The following RBL1 variants were observed in gnomAD, a reference collection of about 807,000 sequenced individuals.
RBL1 encodes retinoblastoma-like protein 1.
RBL1 carries 82 observed loss-of-function variants against 123.0 expected under a neutral mutation model. That is an observed-to-expected ratio of 0.67 (90% CI 0.56 to 0.80). RBL1 has a LOEUF of 0.80. RBL1 is among the 30% of genes least tolerant of loss of function. The pLI is 0.00. For synonymous variants in RBL1, 405 were observed against 441.3 expected (o/e 0.92, Z 1.03); for missense variants, 1,171 against 1,299.6 (o/e 0.90, Z 1.52).
intron 19 of RBL1, 35 bp downstream of exon 19, chr20:37,018,244 G>T: frequency 6.3e-7 from 1 of 1,576,608 alleles, no homozygotes; most frequent in Non-Finnish European, 8.6e-7. Context: ...GATCCAATGT[G>T]TTTTACATAT....
rs374420710 is a variant in RBL1, at chr20:37,035,362, C to T, written c.2050G>A (p.Ala684Thr). 7.7e-5 allele frequency: 124 copies of T among 1,614,036 alleles called. No individual in the cohort carries two copies. In the East Asian group the frequency reaches 2.7e-3, roughly 35 times the overall value. ...TCAGCAGTAATGCTTGAAGAAGGAG[C>T]GATTTTCAATTTTGTTCCTTCTGTT... ...IITEGTKLKI[A>T]PSSSITAENV... The change falls in exon 15 of 22, where the codon GCT becomes ACT. Residue 684 changes from alanine (A) to threonine (T), a missense_variant. Physicochemically the swap from Ala to Thr is moderately conservative, Grantham distance 58. Coordinates refer to ENST00000373664, the MANE Select transcript of RBL1 (RefSeq NM_002895.5).
chr20:37,003,607 AG>A, intron 21 of RBL1, 94 bp downstream of exon 21: 1 of 1,436,404 alleles, frequency 7.0e-7, no homozygotes, highest in Non-Finnish European at 9.2e-7. Context: ...TTAGTATAGT[AG>A]TAACTTGGCC....
intron 19 of RBL1, among the ~76,000 whole-genome samples, chr20:37,014,054 T>G (rs2064208795): frequency 6.6e-6 from 1 of 151,972 alleles, no homozygotes; most frequent in Non-Finnish European, 1.5e-5. Flanking sequence ...TAGACTTGTC[T>G]GACTGTATAT....
intron 21 of RBL1, among the ~76,000 whole-genome samples, chr20:37,001,234 C>T (rs2146194459): frequency 6.6e-6 from 1 of 152,056 alleles, no homozygotes; most frequent in East Asian, 1.9e-4. Flanking sequence ...GCCCCTCTGC[C>T]CGGCCACCAC....
At chr20:37,080,568 C>T (rs1455310561) in intron 2 of RBL1, among the ~76,000 whole-genome samples, 2 of 151,626 alleles carry the variant, frequency 1.3e-5, no homozygotes, top group African/African-American at 2.4e-5. Flanking sequence ...AGGTGATTCT[C>T]GTTTCTAAGC....
At chr20:37,006,979 G>T (rs1233612061) in intron 20 of RBL1, among the ~76,000 whole-genome samples, 1 of 151,932 alleles carries the variant, frequency 6.6e-6, no homozygotes, top group Non-Finnish European at 1.5e-5. Context: ...AGGCGTGGTG[G>T]TTCACACCTG....
At chr20:37,063,994 G>A (rs1159745666) in intron 7 of RBL1, among the ~76,000 whole-genome samples, 1 of 148,906 alleles carries the variant, frequency 6.7e-6, no homozygotes, top group African/African-American at 2.5e-5. Flanking sequence ...GGCTGATTTT[G>A]TATTTTTTGT....
At chr20:37,069,866 C>T (rs1344946711) in intron 2 of RBL1, among the ~76,000 whole-genome samples, 6 of 147,798 alleles carry the variant, frequency 4.1e-5, no homozygotes, top group African/African-American at 1.6e-4. Flanking sequence ...GCCCCCCGCC[C>T]GGCCAGCCGC....
chr20:37,001,425 C>A (rs1246925231), intron 21 of RBL1, among the ~76,000 whole-genome samples: 13 of 150,716 alleles, frequency 8.6e-5, no homozygotes, highest in South Asian at 6.3e-4. Context: ...AAGAAAAATT[C>A]TTCTGCCTTG....
At chr20:37,064,640 C>T (rs186439692) in intron 7 of RBL1, among the ~76,000 whole-genome samples, 66 of 151,662 alleles carry the variant, frequency 4.4e-4, no homozygotes, top group Admixed American at 4.0e-3. Context: ...GATGGAATCT[C>T]GCTCTGTCGC....
At chr20:37,058,452 T>C (rs1318351221) in intron 9 of RBL1, among the ~76,000 whole-genome samples, 1 of 150,384 alleles carries the variant, frequency 6.6e-6, no homozygotes, top group Non-Finnish European at 1.5e-5. Flanking sequence ...GAGGTGGAGG[T>C]TGCAGTGAGC....
rs142205494 is a variant in RBL1, at chr20:36,997,031, C to A, written c.*1728G>T. ...CTATTTTAAATTAGCCATGGTTAAA[C>A]ATAGGTGAGTTAAACATTGTGCCTT... is the stretch of plus-strand genomic sequence containing the variant. On this transcript the variant is annotated 3_prime_UTR_variant, in exon 22 of 22. Transcript: ENST00000373664. 3.8e-4 allele frequency: 58 copies of A among 152,250 alleles called. No individual in the cohort carries two copies. In the East Asian group the frequency reaches 3.9e-3, roughly 10 times the overall value. 9.4% of individuals were successfully genotyped at this position (152,250 alleles called of 1,614,324 possible).
intron 14 of RBL1, among the ~76,000 whole-genome samples, chr20:37,037,098 G>C (rs1762007347): frequency 6.6e-6 from 1 of 152,158 alleles, no homozygotes; most frequent in Non-Finnish European, 1.5e-5. Context: ...CAGTAAACAA[G>C]TGCAAATTTC....
intron 11 of RBL1, among the ~76,000 whole-genome samples, chr20:37,054,655 C>A (rs2064973769): frequency 6.6e-6 from 1 of 151,594 alleles, no homozygotes; most frequent in Admixed American, 6.6e-5. Flanking sequence ...CATGGTGAAA[C>A]CCTGTCTTTA....
intron 11 of RBL1, among the ~76,000 whole-genome samples, chr20:37,050,815 A>G (rs2146277585): frequency 6.6e-6 from 1 of 152,144 alleles, no homozygotes; most frequent in East Asian, 1.9e-4. Flanking sequence ...ACATTTTTAT[A>G]AATTTAAGAA....
At chr20:37,007,080 C>T (rs921741066) in intron 20 of RBL1, among the ~76,000 whole-genome samples, 1 of 151,966 alleles carries the variant, frequency 6.6e-6, no homozygotes, top group African/African-American at 2.4e-5. Context: ...AACCCCGTAT[C>T]TACTAAAAAT....
chr20:37,089,260 C>G, intron 1 of RBL1, 138 bp from the exon 2 acceptor site: 1 of 794,482 alleles, frequency 1.3e-6, no homozygotes, highest in Non-Finnish European at 1.8e-6. Context: ...AAGATATTTG[C>G]CCAAGGTCAC....
chr20:37,018,337 T>C lies in RBL1; in HGVS notation c.2664A>G (p.Pro888=), dbSNP rs933743718. Reference sequence around the variant, plus strand: ...TTTTATTATATGCCACAACTTCTCTTGGAATACTTTTCAGCAGAACACTTC... The same window carrying C: ...TTTTATTATATGCCACAACTTCTCTCGGAATACTTTTCAGCAGAACACTTC... The part of the protein sequence containing the change: ...VYRSVLLKSI[P]REVVAYNKNI... Residue 888 remains proline, a synonymous_variant, in exon 19 of 22, where the codon CCA becomes CCG. Transcript: ENST00000373664. The C allele has an allele frequency of 3.7e-6, 6 of 1,612,046 alleles. No homozygotes were observed. The highest frequency in any genetic ancestry group is 2.2e-5 in the East Asian group (1 of 44,786).
chr20:37,006,924 C>T (rs1026780768), intron 20 of RBL1, among the ~76,000 whole-genome samples: 2 of 151,262 alleles, frequency 1.3e-5, no homozygotes, highest in Admixed American at 6.6e-5. Flanking sequence ...CATATGTATA[C>T]GGAATTTCTA....
Sources: allele counts gnomAD v4.1 joint callset (sites outside exome capture counted in the v4.1 genomes callset), GRCh38; gene constraint gnomAD v4.1.1; transcripts MANE v1.5; gene names NCBI Gene and HGNC (gene_info 2026-07-23, HGNC 2026-07-21).